The following PTPN14 variants were observed in gnomAD, a reference collection of about 807,000 sequenced individuals.
The protein encoded by PTPN14 is protein tyrosine phosphatase non-receptor type 14.
In PTPN14, 53 loss-of-function variants were observed where a neutral mutation model predicts 126.8. The observed-to-expected ratio is 0.42, with a 90% CI of 0.34 to 0.53. The LOEUF is 0.53. PTPN14 is among the 20% of genes least tolerant of loss of function. PTPN14 has a pLI of 0.08. For missense variants in PTPN14, 1,257 were observed against 1,552.9 expected, an observed-to-expected ratio of 0.81 and a Z score of 3.20; for synonymous variants, 630 against 599.3, an observed-to-expected ratio of 1.05 and a Z score of -0.75.
At chr1:214,362,558 C>G (rs536674027) in intron 18 of PTPN14, among the ~76,000 whole-genome samples, 1 of 152,370 alleles carries the variant, frequency 6.6e-6, no homozygotes, top group East Asian at 1.9e-4. Context: ...CCAGTAACAT[C>G]TGGTGTTCAG....
At chr1:214,537,130 G>A (rs929639565) in intron 1 of PTPN14, among the ~76,000 whole-genome samples, 2 of 152,120 alleles carry the variant, frequency 1.3e-5, no homozygotes, top group African/African-American at 4.8e-5. Flanking sequence ...GTTAGTAAAC[G>A]AAGCACATCC....
intron 5 of PTPN14, among the ~76,000 whole-genome samples, chr1:214,407,346 GA>G (rs1426477922): frequency 6.6e-6 from 1 of 152,098 alleles, no homozygotes; most frequent in Non-Finnish European, 1.5e-5. Context: ...CCAACATGGT[GA>G]AACCCCCCGT....
At position 214,475,699 on chromosome 1, in the gene PTPN14, C is replaced by A. The variant is rs566840486; in HGVS notation, c.-154-10742G>T. 7.2e-4 allele frequency among the ~76,000 whole-genome samples: 110 copies of A among 152,280 alleles called. No individual in the cohort carries two copies. The South Asian group carries it at 7.3e-3, about 10-fold the overall frequency. On this transcript the variant is annotated intron_variant, in intron 1 of 18. Transcript: ENST00000366956. ...TCAGCACCGCCATTTGTGAAGCAGA[C>A]ACATTGATGGGGGCACTCTGCTGAG... is the stretch of plus-strand genomic sequence containing the variant.
At chr1:214,497,227 T>C (rs183099401) in intron 1 of PTPN14, among the ~76,000 whole-genome samples, 39 of 152,084 alleles carry the variant, frequency 2.6e-4, no homozygotes, top group Non-Finnish European at 1.2e-4. Context: ...ATCTCAATAA[T>C]CGATCAGAAA....
rs56080046 is a variant in PTPN14, at chr1:214,350,707, A to ATTTTTTTTTTTTTTTTTT, written c.*7197_*7214dup. ...AGGCATGTGCCACCATGCCTGGCTA[A>ATTTTTTTTTTTTTTTTTT]TTTTTTTTTTTTTTTTTTTTTTTGT... is the stretch of plus-strand genomic sequence containing the variant. On this transcript the variant is annotated 3_prime_UTR_variant, in exon 19 of 19. Coordinates refer to ENST00000366956, the MANE Select transcript of PTPN14 (RefSeq NM_005401.5). 3 of 74,540 alleles carry ATTTTTTTTTTTTTTTTTT rather than the reference A, an allele frequency of 4.0e-5. No individual in the cohort carries two copies. Among genetic ancestry groups the ATTTTTTTTTTTTTTTTTT allele is most frequent in the Non-Finnish European group, 6.9e-5 (3 of 43,632 alleles). The allele number at this position is 74,540 out of a possible 1,614,324, so 4.6% of individuals were successfully genotyped here. A position where few individuals can be genotyped will look rare whatever the true frequency, so the allele number is the denominator to read the frequency against.
chr1:214,483,503 C>G, intron 1 of PTPN14: 3 of 699,536 alleles, frequency 4.3e-6, no homozygotes, highest in Non-Finnish European at 7.4e-6. Flanking sequence ...TAACAACTTT[C>G]ACTGTCTTGA....
chr1:214,458,903 A>AT (rs1660444705), intron 2 of PTPN14, among the ~76,000 whole-genome samples: 2 of 152,246 alleles, frequency 1.3e-5, no homozygotes, highest in East Asian at 1.9e-4. Flanking sequence ...GAAAAGGGTT[A>AT]AACCCACTGA....
At chr1:214,375,621 T>G (rs1019727912) in intron 15 of PTPN14, among the ~76,000 whole-genome samples, 1 of 152,226 alleles carries the variant, frequency 6.6e-6, no homozygotes, top group Non-Finnish European at 1.5e-5. Flanking sequence ...ATATAAAGGT[T>G]TGAAGTATTT....
At chr1:214,535,926 T>C (rs555806655) in intron 1 of PTPN14, among the ~76,000 whole-genome samples, 3 of 152,288 alleles carry the variant, frequency 2.0e-5, no homozygotes, top group Admixed American at 6.5e-5. Flanking sequence ...AGAAATTCCA[T>C]TGCATCTGTA....
intron 3 of PTPN14, among the ~76,000 whole-genome samples, chr1:214,425,859 G>A (rs564200445): frequency 6.6e-6 from 1 of 151,830 alleles, no homozygotes; most frequent in East Asian, 1.9e-4. Flanking sequence ...TTTAATATTC[G>A]CAACAACCCT....
rs559105342 is a variant in PTPN14 at position 214,497,104 on chromosome 1, T to C, written c.-154-32147A>G. Among the ~76,000 whole-genome samples, 17 of 151,514 alleles carry C rather than the reference T, an allele frequency of 1.1e-4. No individual in the cohort carries two copies. In the South Asian group the frequency reaches 2.7e-3, roughly 24 times the overall value. On this transcript the variant is annotated intron_variant, in intron 1 of 18. Coordinates refer to ENST00000366956, the MANE Select transcript of PTPN14 (RefSeq NM_005401.5). ...ACAACCTGGTCTCCAGAAATTGAGC[T>C]CTATTGGGGCAGCGGTGGGGGGTCG... is the stretch of plus-strand genomic sequence containing the variant.
At position 214,351,067 on chromosome 1, in the gene PTPN14, T is replaced by C. The variant is rs1413703955; in HGVS notation, c.*6855A>G. ...GATCCATAAAGCAGATGGGGAAATA[T>C]GAAAAGGCAGCAGAGGCTGGGTGTA... On this transcript the variant is annotated 3_prime_UTR_variant, in exon 19 of 19. Transcript: ENST00000366956. The C allele has an allele frequency of 6.6e-6, 1 of 151,270 alleles. No homozygotes were observed. The highest frequency in any genetic ancestry group is 1.5e-5 in the Non-Finnish European group (1 of 67,858). The allele number at this position is 151,270 out of a possible 1,614,324, so 9.4% of individuals were successfully genotyped here. A position where few individuals can be genotyped will look rare whatever the true frequency, so the allele number is the denominator to read the frequency against.
At chr1:214,550,627 C>T (rs980064919) in intron 1 of PTPN14, among the ~76,000 whole-genome samples, 1 of 152,190 alleles carries the variant, frequency 6.6e-6, no homozygotes, top group African/African-American at 2.4e-5. Flanking sequence ...TTTTTTTCTA[C>T]GAGCCAGCTC....
intron 2 of PTPN14, among the ~76,000 whole-genome samples, chr1:214,454,992 T>A (rs2102639088): frequency 6.6e-6 from 1 of 152,294 alleles, no homozygotes; most frequent in South Asian, 2.1e-4. Context: ...ATGCCCAAAG[T>A]AACCTTTTCC....
intron 1 of PTPN14, among the ~76,000 whole-genome samples, chr1:214,492,767 G>A (rs1478659037): frequency 6.6e-6 from 1 of 152,058 alleles, no homozygotes; most frequent in Non-Finnish European, 1.5e-5. Flanking sequence ...AATTAGCTGG[G>A]GGTGGTGGTG....
At chr1:214,503,454 G>A (rs964357638) in intron 1 of PTPN14, among the ~76,000 whole-genome samples, 1 of 152,192 alleles carries the variant, frequency 6.6e-6, no homozygotes, top group Non-Finnish European at 1.5e-5. Flanking sequence ...TGTCTAATAT[G>A]TAGACGTACA....
chr1:214,493,245 G>A (rs148986297), intron 1 of PTPN14, among the ~76,000 whole-genome samples: 1,559 of 152,288 alleles, frequency 0.01, 13 homozygotes, highest in Non-Finnish European at 0.016. Context: ...GATGGCCTGG[G>A]CGATGTGTTG....
intron 1 of PTPN14, among the ~76,000 whole-genome samples, chr1:214,545,934 G>T (rs190354812): frequency 2.0e-5 from 3 of 152,118 alleles, no homozygotes; most frequent in Admixed American, 1.3e-4. Flanking sequence ...GACTGGAGAC[G>T]ATAGCCAAGG....
intron 1 of PTPN14, among the ~76,000 whole-genome samples, chr1:214,533,790 T>C (rs982096063): frequency 9.3e-5 from 14 of 150,124 alleles, no homozygotes; most frequent in Non-Finnish European, 2.1e-4. Context: ...TGAGCCGAGA[T>C]TGTCCCACTG....
Sources: allele counts gnomAD v4.1 joint callset (sites outside exome capture counted in the v4.1 genomes callset), GRCh38; gene constraint gnomAD v4.1.1; transcripts MANE v1.5; gene names NCBI Gene and HGNC (gene_info 2026-07-23, HGNC 2026-07-21).